Variants in VAC14 observed in about 807,000 individuals in gnomAD.
The protein encoded by VAC14 is protein VAC14 homolog.
VAC14 carries 47 observed loss-of-function variants against 85.3 expected under a neutral mutation model. The observed-to-expected ratio is 0.55, with a 90% CI of 0.44 to 0.70. VAC14 has a LOEUF of 0.70. Among genes scored for constraint, VAC14 ranks in the 30% least tolerant of loss-of-function variants. The probability of loss-of-function intolerance (pLI) is 0.00; values close to 1 mark genes in which losing one functional copy is unlikely to be tolerated. For synonymous variants in VAC14, 447 were observed against 430.5 expected (o/e 1.04, Z -0.47); for missense variants, 861 against 1,004.3 (o/e 0.86, Z 1.93).
At chr16:70,781,799 T>G in intron 8 of VAC14, 70 bp downstream of exon 8, 1 of 1,578,784 alleles carries the variant, frequency 6.3e-7, no homozygotes, top group Admixed American at 1.7e-5. Flanking sequence ...CAGCCCCCAG[T>G]GCAGGGTCCC....
chr16:70,697,690 G>C (rs956850869), intron 15 of VAC14, among the ~76,000 whole-genome samples: 1 of 152,286 alleles, frequency 6.6e-6, no homozygotes, highest in Middle Eastern at 3.4e-3. Flanking sequence ...AGTCCACTTC[G>C]AACACTTGGA....
At chr16:70,785,398 G>A (rs1456316877) in intron 3 of VAC14, among the ~76,000 whole-genome samples, 6 of 152,240 alleles carry the variant, frequency 3.9e-5, no homozygotes, top group African/African-American at 2.4e-5. Flanking sequence ...GGATGATGGC[G>A]TCAGCATCAT....
chr16:70,761,018 T>TGTGTGTGTGTGCGC lies in VAC14; in HGVS notation c.1371+1521_1371+1522insGCGCACACACACAC, dbSNP rs1555523169. The stretch of plus-strand genomic sequence containing the variant: ...GTGTGTGTGTGTGTGTGTGTGTGTG[T>TGTGTGTGTGTGCGC]GCATGGGGGGGCGGGGGGTAGGCAG... On this transcript the variant is annotated intron_variant, in intron 12 of 18. Transcript: ENST00000261776. The TGTGTGTGTGTGCGC allele has an allele frequency of 1.1e-5, 3 of 267,786 alleles. No homozygotes were observed. In the African/African-American group the frequency reaches 1.3e-4, roughly 11 times the overall value. 16.6% of individuals were successfully genotyped at this position (267,786 alleles called of 1,614,324 possible).
chr16:70,794,979 T>C (rs1280393837), intron 1 of VAC14, among the ~76,000 whole-genome samples: 1 of 152,248 alleles, frequency 6.6e-6, no homozygotes, highest in Non-Finnish European at 1.5e-5. Flanking sequence ...TTCAGATATA[T>C]TGGGGTACAC....
chr16:70,766,527 C>T (rs1280967803), intron 10 of VAC14: 2 of 456,682 alleles, frequency 4.4e-6, no homozygotes, highest in Non-Finnish European at 8.8e-6. Context: ...AACCCAGAAC[C>T]TCATCACTAA....
At chr16:70,759,431 A>T (rs1490063116) in intron 12 of VAC14, among the ~76,000 whole-genome samples, 7 of 152,182 alleles carry the variant, frequency 4.6e-5, no homozygotes, top group Admixed American at 4.6e-4. Context: ...GTTCAAGACC[A>T]GCCTGGCCAA....
At chr16:70,741,971 C>T (rs1479471229) in intron 13 of VAC14, among the ~76,000 whole-genome samples, 1 of 152,218 alleles carries the variant, frequency 6.6e-6, no homozygotes, top group Non-Finnish European at 1.5e-5. Context: ...CCATGGCACA[C>T]GTCCTACTCC....
At chr16:70,776,817 GTT>G (rs777631640) in intron 9 of VAC14, among the ~76,000 whole-genome samples, 1 of 140,720 alleles carries the variant, frequency 7.1e-6, no homozygotes. Flanking sequence ...ATTCTACCAG[GTT>G]TTTTTTTTTT....
chr16:70,799,318 A>C (rs1407476545), intron 1 of VAC14, among the ~76,000 whole-genome samples: 2 of 152,200 alleles, frequency 1.3e-5, no homozygotes, highest in African/African-American at 4.8e-5. Flanking sequence ...CGTGAGAGTC[A>C]GGCATAAACA....
intron 4 of VAC14, 47 bp downstream of exon 4, chr16:70,784,729 G>T (rs377196468): frequency 7.1e-6 from 11 of 1,543,652 alleles, no homozygotes; most frequent in Middle Eastern, 1.7e-4. Flanking sequence ...ACAGACAGAC[G>T]GGAGAAACAG....
chr16:70,752,965 A>C (rs1183180794), intron 12 of VAC14, among the ~76,000 whole-genome samples: 1 of 151,536 alleles, frequency 6.6e-6, no homozygotes, highest in African/African-American at 2.4e-5. Context: ...GGGGGACATA[A>C]AGACACAGAG....
chr16:70,784,216 A>G lies in VAC14; in HGVS notation c.491T>C (p.Ile164Thr), dbSNP rs1048372050. 12 of 1,613,900 alleles carry G rather than the reference A, an allele frequency of 7.4e-6. No homozygotes were observed. The highest frequency in any genetic ancestry group is 1.0e-5 in the Non-Finnish European group (12 of 1,179,918). The change falls in exon 5 of 19, where the codon ATT (isoleucine) becomes ACT (threonine). Residue 164 changes from isoleucine (I) to threonine (T), a missense_variant. Transcript: ENST00000261776. ...GTCAAACTTGTTGCTCTCAGTCACA[A>G]TGTCCTGTGGATCAGAGGAAAGTGA... ...SELLDRLLKD[I>T]VTESNKFDLV...
intron 13 of VAC14, among the ~76,000 whole-genome samples, chr16:70,737,994 G>C (rs1240420869): frequency 5.3e-5 from 8 of 152,216 alleles, no homozygotes; most frequent in Non-Finnish European, 8.8e-5. Context: ...AGGATACAAG[G>C]GAAGGGCCAG....
intron 14 of VAC14, among the ~76,000 whole-genome samples, chr16:70,704,006 C>T (rs2053876697): frequency 1.3e-5 from 2 of 152,232 alleles, no homozygotes; most frequent in Non-Finnish European, 2.9e-5. Flanking sequence ...CTGCCAGGGG[C>T]TGGTGTGAGC....
At chr16:70,784,627 G>A in intron 4 of VAC14, 149 bp downstream of exon 4, 1 of 803,914 alleles carries the variant, frequency 1.2e-6, no homozygotes, top group Non-Finnish European at 2.1e-6. Flanking sequence ...CGATATTCTT[G>A]TCATAGAACT....
At chr16:70,701,078 A>G (rs1341649354) in intron 14 of VAC14, among the ~76,000 whole-genome samples, 1 of 152,156 alleles carries the variant, frequency 6.6e-6, no homozygotes, top group Non-Finnish European at 1.5e-5. Flanking sequence ...AAGGTCAGGA[A>G]TAGTGGAGTT....
intron 14 of VAC14, among the ~76,000 whole-genome samples, chr16:70,724,473 T>C (rs2054371486): frequency 6.6e-6 from 1 of 152,204 alleles, no homozygotes. Flanking sequence ...ACTTTGCACC[T>C]CACAAGGTCA....
At chr16:70,748,775 C>A (rs1443625610) in intron 12 of VAC14, among the ~76,000 whole-genome samples, 1 of 152,096 alleles carries the variant, frequency 6.6e-6, no homozygotes. Context: ...GGTGAAACCC[C>A]CTCTCTCCTA....
At chr16:70,799,752 G>A (rs917123459) in intron 1 of VAC14, among the ~76,000 whole-genome samples, 1 of 152,156 alleles carries the variant, frequency 6.6e-6, no homozygotes, top group African/African-American at 2.4e-5. Flanking sequence ...CCAGGTTAAC[G>A]AATGAATGTC....
Sources: allele counts gnomAD v4.1 joint callset (sites outside exome capture counted in the v4.1 genomes callset), GRCh38; gene constraint gnomAD v4.1.1; transcripts MANE v1.5; gene names NCBI Gene and HGNC (gene_info 2026-07-23, HGNC 2026-07-21).